The following COL11A1 variants were observed in gnomAD, a reference collection of about 807,000 sequenced individuals.
The protein encoded by COL11A1 is collagen type XI alpha 1 chain.
In COL11A1, 74 loss-of-function variants were observed where a neutral mutation model predicts 265.2. The ratio of observed to expected loss-of-function variants is 0.28; its 90% confidence interval spans 0.23 to 0.34. COL11A1 has a LOEUF of 0.34. COL11A1 is among the 10% of genes least tolerant of loss of function. The pLI is 1.00. For missense variants in COL11A1, 2,165 were observed against 2,263.6 expected, an observed-to-expected ratio of 0.96 and a Z score of 0.88; for synonymous variants, 816 against 727.6, an observed-to-expected ratio of 1.12 and a Z score of -1.96.
rs1465447909 is a variant in COL11A1 at position 103,046,225 on chromosome 1, A to T, written c.652-14981T>A. On this transcript the variant is annotated intron_variant, in intron 4 of 66. Coordinates refer to ENST00000370096, the MANE Select transcript of COL11A1 (RefSeq NM_001854.4). ...TTCCACAATGGTTGAACTAGTTTAC[A>T]GTCCCACCAACAGTGTAAAAGTGTT... 4.4e-5 allele frequency among the ~76,000 whole-genome samples: 6 copies of T among 137,038 alleles called. No homozygotes were observed. The East Asian group carries it at 1.1e-3, about 25-fold the overall frequency. The allele number at this position is 137,038 out of a possible 152,430, so 89.9% of individuals were successfully genotyped here.
chr1:102,902,279 G>A (rs1054528936), intron 54 of COL11A1, among the ~76,000 whole-genome samples: 3 of 152,148 alleles, frequency 2.0e-5, no homozygotes, highest in Non-Finnish European at 2.9e-5. Context: ...GTGGTGACTT[G>A]AGAGTTAGGG....
At chr1:103,069,379 C>G in intron 4 of COL11A1, among the ~76,000 whole-genome samples, 1 of 151,630 alleles carries the variant, frequency 6.6e-6, no homozygotes, top group East Asian at 1.9e-4. Context: ...GAACATTGAC[C>G]TTTACCTTAC....
chr1:102,985,682 A>G (rs1054842350), intron 30 of COL11A1, among the ~76,000 whole-genome samples: 2 of 152,170 alleles, frequency 1.3e-5, no homozygotes, highest in African/African-American at 4.8e-5. Flanking sequence ...TATACTAATG[A>G]AATGTTAAAG....
chr1:103,046,101 C>A (rs993879140), intron 4 of COL11A1, among the ~76,000 whole-genome samples: 1 of 151,464 alleles, frequency 6.6e-6, no homozygotes, highest in Admixed American at 6.6e-5. Flanking sequence ...GTCTTTATAG[C>A]AGCATGATTT....
chr1:103,098,053 C>A (rs1312412793), intron 1 of COL11A1, among the ~76,000 whole-genome samples: 2 of 151,808 alleles, frequency 1.3e-5, no homozygotes, highest in African/African-American at 4.8e-5. Flanking sequence ...TTCTAATTTA[C>A]AAATAGCCAA....
chr1:103,076,689 A>G (rs975476023), intron 3 of COL11A1, among the ~76,000 whole-genome samples: 1 of 152,144 alleles, frequency 6.6e-6, no homozygotes, highest in Non-Finnish European at 1.5e-5. Context: ...GGATTCATTC[A>G]TATTAAACTG....
chr1:103,097,446 C>T (rs1448090914), intron 1 of COL11A1, among the ~76,000 whole-genome samples: 2 of 151,870 alleles, frequency 1.3e-5, no homozygotes, highest in African/African-American at 2.4e-5. Flanking sequence ...AATCAATGCT[C>T]AATTGGTACT....
chr1:102,979,477 A>T, intron 31 of COL11A1, 42 bp from the exon 32 acceptor site: 1 of 1,295,456 alleles, frequency 7.7e-7, no homozygotes. Flanking sequence ...ATGGCAATTA[A>T]CATTTTCAGT....
intron 15 of COL11A1, 133 bp from the exon 16 acceptor site, chr1:103,006,448 T>G (rs1665621495): frequency 1.9e-6 from 1 of 528,660 alleles, no homozygotes; most frequent in Non-Finnish European, 3.1e-6. Flanking sequence ...AAGAAAATTA[T>G]TTCCATGTAA....
intron 46 of COL11A1, among the ~76,000 whole-genome samples, chr1:102,931,729 G>T (rs944249562): frequency 1.3e-5 from 2 of 152,056 alleles, no homozygotes; most frequent in Non-Finnish European, 2.9e-5. Context: ...TGGGAGTTAA[G>T]TCTCTTTGTA....
intron 35 of COL11A1, among the ~76,000 whole-genome samples, chr1:102,977,310 C>A (rs1238946081): frequency 6.6e-6 from 1 of 152,064 alleles, no homozygotes; most frequent in Non-Finnish European, 1.5e-5. Context: ...GAAATATGTT[C>A]TTCCTGTATA....
intron 4 of COL11A1, among the ~76,000 whole-genome samples, chr1:103,069,009 T>C (rs1356699304): frequency 6.6e-6 from 1 of 151,778 alleles, no homozygotes; most frequent in Non-Finnish European, 1.5e-5. Context: ...TTATGATCTG[T>C]AGGTTAAATG....
At chr1:103,022,680 A>G (rs1188651218) in intron 8 of COL11A1, 62 bp downstream of exon 8, 1 of 1,597,934 alleles carries the variant, frequency 6.3e-7, no homozygotes, top group African/African-American at 1.3e-5. Flanking sequence ...TAAGATGGAC[A>G]TGGACATAAA....
chr1:103,065,226 A>T (rs13375442), intron 4 of COL11A1, among the ~76,000 whole-genome samples: 2,970 of 152,258 alleles, frequency 0.02, 116 homozygotes, highest in African/African-American at 0.068. Flanking sequence ...GTTTATTAAC[A>T]ACAACAGCAA....
intron 42 of COL11A1, among the ~76,000 whole-genome samples, chr1:102,943,532 C>T (rs1658962972): frequency 2.0e-5 from 3 of 151,630 alleles, no homozygotes; most frequent in South Asian, 4.1e-4. Flanking sequence ...GCTTTCAGAA[C>T]TTACACCCAT....
chr1:103,038,506 T>C (rs1029507396), intron 4 of COL11A1, among the ~76,000 whole-genome samples: 2 of 151,992 alleles, frequency 1.3e-5, no homozygotes, highest in African/African-American at 2.4e-5. Context: ...GAGAGAAGTA[T>C]ATATAGTGCA....
chr1:103,067,188 T>G (rs893650187), intron 4 of COL11A1, among the ~76,000 whole-genome samples: 2 of 151,970 alleles, frequency 1.3e-5, no homozygotes, highest in East Asian at 1.9e-4. Context: ...AATTTCACAA[T>G]GCACTTTCTT....
At chr1:102,908,213 G>A (rs1225755360) in intron 54 of COL11A1, among the ~76,000 whole-genome samples, 1 of 151,694 alleles carries the variant, frequency 6.6e-6, no homozygotes, top group African/African-American at 2.4e-5. Context: ...TCATGCCTTT[G>A]GCATATTTTT....
Position 102,961,923 on chromosome 1 carries a change from G to T in COL11A1, c.3115-4C>A. 1 of 1,611,696 alleles carries T rather than the reference G, an allele frequency of 6.2e-7. No homozygotes were observed. The highest frequency in any genetic ancestry group is 1.1e-5 in the South Asian group (1 of 90,626). The stretch of plus-strand genomic sequence containing the variant: ...CTCCTTTCAGTCCAGGTGCACCCTG[G>T]GAAAAGTGAAAAAAATAAAGAAAAT... On this transcript the variant is annotated splice_polypyrimidine_tract_variant and splice_region_variant and intron_variant, in intron 40 of 66. Transcript: ENST00000370096.
Sources: gnomAD v4.1 joint callset for allele counts (sites outside exome capture counted in the v4.1 genomes callset) on GRCh38, gnomAD v4.1.1 for gene constraint, MANE v1.5 for transcripts, NCBI Gene and HGNC (gene_info 2026-07-23, HGNC 2026-07-21) for gene names.